Variants in CCDC60 observed in about 807,000 individuals in gnomAD.
CCDC60 encodes coiled-coil domain-containing protein 60.
CCDC60 carries 54 observed loss-of-function variants against 63.5 expected under a neutral mutation model. That is an observed-to-expected ratio of 0.85 (90% CI 0.68 to 1.07). The LOEUF (loss-of-function observed/expected upper bound fraction) is 1.07, where lower values mean the gene tolerates loss of function less well. Ranked by LOEUF, CCDC60 falls within the 50% of genes least tolerant of loss-of-function variation. The pLI is 0.00. For missense variants in CCDC60, 651 were observed against 684.3 expected (o/e 0.95, Z 0.54); for synonymous variants, 206 against 238.8 (o/e 0.86, Z 1.27).
rs57668490 is a variant in CCDC60, at chr12:119,507,591, CAT to C, written c.883+2311_883+2312del. 8.7e-4 allele frequency among the ~76,000 whole-genome samples: 20 copies of C among 23,020 alleles called. 1 individual carries two copies. Among genetic ancestry groups the C allele is most frequent in the Admixed American group, 1.8e-3 (3 of 1,668 alleles). The allele number at this position is 23,020 out of a possible 152,430, so 15.1% of individuals were successfully genotyped here. A position where few individuals can be genotyped will look rare whatever the true frequency, so the allele number is the denominator to read the frequency against. On this transcript the variant is annotated intron_variant, in intron 7 of 13. Coordinates refer to ENST00000327554, the MANE Select transcript of CCDC60 (RefSeq NM_178499.5). ...ATATGTATATATACACATATATATA[CAT>C]ATATATATATATATATATATATTTT...
rs1378537485 is a variant in CCDC60, at chr12:119,456,044, AAAGAAAGAAAGAAAGAAAGCAAGC to A, written c.171-15946_171-15923del. ...GAAAGAAAGAAAGAAAGAAAGAAAG[AAAGAAAGAAAGAAAGAAAGCAAGC>A]AAGCATGTGCAATTTCAAGGGGGTA... On this transcript the variant is annotated intron_variant, in intron 2 of 13. Transcript: ENST00000327554. The surrounding 1 kb of genome is among the most constrained non-coding windows in gnomAD (Gnocchi z 4.6). 3.1e-4 allele frequency among the ~76,000 whole-genome samples: 42 copies of A among 135,494 alleles called. 3 individuals are homozygous for A. In the South Asian group the frequency reaches 3.6e-3, roughly 12 times the overall value. 88.9% of individuals were successfully genotyped at this position (135,494 alleles called of 152,430 possible).
At chr12:119,368,599 T>G (rs187751846) in intron 1 of CCDC60, among the ~76,000 whole-genome samples, 2 of 152,120 alleles carry the variant, frequency 1.3e-5, no homozygotes, top group African/African-American at 4.8e-5. Context: ...GGGGAAACCA[T>G]CTGAAATTGG....
intron 2 of CCDC60, among the ~76,000 whole-genome samples, chr12:119,462,347 C>T (rs1950870363): frequency 6.6e-6 from 1 of 152,140 alleles, no homozygotes; most frequent in Non-Finnish European, 1.5e-5. Context: ...AATCTTCAGC[C>T]ATTAGGAATC....
At chr12:119,514,173 T>C (rs1171388216) in intron 7 of CCDC60, among the ~76,000 whole-genome samples, 4 of 151,706 alleles carry the variant, frequency 2.6e-5, no homozygotes, top group African/African-American at 9.7e-5. Context: ...TTTCCTTTTC[T>C]TTTTTCTTTT....
chr12:119,495,290 C>T (rs1951694821), intron 5 of CCDC60, among the ~76,000 whole-genome samples: 2 of 152,140 alleles, frequency 1.3e-5, no homozygotes, highest in South Asian at 4.2e-4. Context: ...TGATGCCCCG[C>T]CTCGAAGAAA....
chr12:119,428,104 AG>A lies in CCDC60; in HGVS notation c.91-578del, dbSNP rs1416849292. Among the ~76,000 whole-genome samples, 7 of 152,302 alleles carry A rather than the reference AG, an allele frequency of 4.6e-5. No individual in the cohort carries two copies. In the East Asian group the frequency reaches 5.8e-4, roughly 13 times the overall value. On this transcript the variant is annotated intron_variant, in intron 1 of 13. Coordinates refer to ENST00000327554, the MANE Select transcript of CCDC60 (RefSeq NM_178499.5). The stretch of plus-strand genomic sequence containing the variant: ...AGACAAGGCAAATTAATAGGGAGAA[AG>A]AAAAACCCACGAACAATTATCTGGA...
At chr12:119,337,275 G>A (rs1022777474) in intron 1 of CCDC60, among the ~76,000 whole-genome samples, 2 of 152,184 alleles carry the variant, frequency 1.3e-5, no homozygotes, top group Non-Finnish European at 2.9e-5. Flanking sequence ...CCAGCATAGC[G>A]GTGGGAGAAT....
intron 1 of CCDC60, among the ~76,000 whole-genome samples, chr12:119,415,956 T>C (rs994020055): frequency 6.6e-6 from 1 of 152,192 alleles, no homozygotes; most frequent in South Asian, 2.1e-4. Flanking sequence ...GTATCAAGGA[T>C]TGGAGGGTAC....
At chr12:119,345,353 T>G (rs2136146982) in intron 1 of CCDC60, among the ~76,000 whole-genome samples, 1 of 152,086 alleles carries the variant, frequency 6.6e-6, no homozygotes, top group East Asian at 1.9e-4. Flanking sequence ...AATACCAAAA[T>G]TAGCCAGGTG....
At chr12:119,504,961 T>C in intron 6 of CCDC60, 108 bp from the exon 7 acceptor site, 1 of 741,056 alleles carries the variant, frequency 1.3e-6, no homozygotes, top group South Asian at 1.9e-5. Flanking sequence ...ACCCAGGCTT[T>C]GCTTTTGTCT....
intron 3 of CCDC60, 130 bp from the exon 4 acceptor site, chr12:119,478,964 A>G: frequency 1.4e-6 from 1 of 693,564 alleles, no homozygotes. Flanking sequence ...TCATCCCTCC[A>G]GCAGAAATTA....
At chr12:119,377,672 C>A (rs1955966905) in intron 1 of CCDC60, among the ~76,000 whole-genome samples, 1 of 152,168 alleles carries the variant, frequency 6.6e-6, no homozygotes, top group African/African-American at 2.4e-5. Context: ...CTACGCACAA[C>A]TAGCAAATGA....
At chr12:119,344,730 C>T (rs1012615714) in intron 1 of CCDC60, among the ~76,000 whole-genome samples, 3 of 151,964 alleles carry the variant, frequency 2.0e-5, no homozygotes, top group Non-Finnish European at 4.4e-5. Context: ...GGTTCTTCAG[C>T]CTCATCTTTC....
intron 1 of CCDC60, among the ~76,000 whole-genome samples, chr12:119,369,057 A>G (rs1372509501): frequency 6.6e-6 from 1 of 152,180 alleles, no homozygotes; most frequent in African/African-American, 2.4e-5. Flanking sequence ...CCAACCACAC[A>G]GTGAGGTCTC....
intron 1 of CCDC60, among the ~76,000 whole-genome samples, chr12:119,370,016 A>G (rs1051207164): frequency 2.0e-5 from 3 of 152,152 alleles, no homozygotes; most frequent in Non-Finnish European, 2.9e-5. Context: ...GGGGATAAGG[A>G]CGTATACCTC....
chr12:119,476,744 C>T (rs1951186067), intron 3 of CCDC60, among the ~76,000 whole-genome samples: 1 of 152,184 alleles, frequency 6.6e-6, no homozygotes, highest in African/African-American at 2.4e-5. Flanking sequence ...GCTTGCCTCT[C>T]CAGCCCCAGC....
At chr12:119,532,762 G>A (rs977638440) in intron 13 of CCDC60, among the ~76,000 whole-genome samples, 2 of 151,960 alleles carry the variant, frequency 1.3e-5, no homozygotes, top group Admixed American at 6.6e-5. Context: ...CTTTTTTATG[G>A]CTGCATAGTA....
intron 1 of CCDC60, among the ~76,000 whole-genome samples, chr12:119,377,254 C>CAAAAAA (rs60100165): frequency 0.012 from 569 of 45,706 alleles, no homozygotes; most frequent in Middle Eastern, 0.032. Context: ...CACTCCATCT[C>CAAAAAA]AAAAAAAAAA....
In CCDC60 at chr12:119,403,519, C is replaced by T. The variant is rs549287213; in HGVS notation, c.91-25164C>T. On this transcript the variant is annotated intron_variant, in intron 1 of 13. Coordinates refer to ENST00000327554, the MANE Select transcript of CCDC60 (RefSeq NM_178499.5). ...AGAGCATAACATTGGGCTTTAATCA[C>T]CCAGCTACAAATTGGTGTCCCACTC... Among the ~76,000 whole-genome samples the T allele has an allele frequency of 5.4e-4, 82 of 152,294 alleles. 1 individual carries two copies. The South Asian group carries it at 9.5e-3, about 18-fold the overall frequency.
Sources: allele counts gnomAD v4.1 joint callset (sites outside exome capture counted in the v4.1 genomes callset), GRCh38; gene constraint gnomAD v4.1.1; non-coding constraint Gnocchi (gnomAD v3.1); transcripts MANE v1.5; gene names NCBI Gene and HGNC (gene_info 2026-07-23, HGNC 2026-07-21).